The following RFESD variants were observed in gnomAD, a reference collection of about 807,000 sequenced individuals.
RFESD encodes Rieske Fe-S domain containing.
RFESD carries 16 observed loss-of-function variants against 24.4 expected under a neutral mutation model. The observed-to-expected ratio is 0.66, with a 90% confidence interval of 0.44 to 1.00. The LOEUF (loss-of-function observed/expected upper bound fraction) is 1.00. Ranked by LOEUF, RFESD falls within the 50% of genes least tolerant of loss-of-function variation. The pLI is 0.00. For missense variants in RFESD, 208 were observed against 247.0 expected (o/e 0.84, Z 1.06); for synonymous variants, 59 against 81.8 (o/e 0.72, Z 1.50).
intron 1 of RFESD, chr5:95,648,036 G>C (rs1206627049): frequency 9.2e-5 from 14 of 152,164 alleles, no homozygotes; most frequent in Admixed American, 9.2e-4. Context: ...TTCCACACTT[G>C]GTAAAAGCAT....
At chr5:95,653,345 C>G (rs528299985) in intron 3 of RFESD, 131 bp downstream of exon 3, 14 of 1,270,550 alleles carry the variant, frequency 1.1e-5, no homozygotes, top group African/African-American at 6.0e-5. Flanking sequence ...AGGCTGAAGA[C>G]TATTCAGACA....
chr5:95,656,152 C>G lies in RFESD; in HGVS notation c.476C>G (p.Ala159Gly). 6.2e-7 allele frequency: 1 copy of G among 1,613,966 alleles called. No homozygotes were observed. The highest frequency in any genetic ancestry group is 1.3e-5 in the African/African-American group (1 of 75,026). The change falls in exon 6 of 6, where the codon GCA becomes GGA. Residue 159 changes from alanine to glycine, a missense_variant. Coordinates refer to ENST00000380005, the MANE Select transcript of RFESD (RefSeq NM_001131066.2). Reference sequence around the variant, plus strand: ...TCTATAAACCCTAAAGATCCATCAGCAAAACCCAAGTGGTGCTCCAAAGGA... The same window carrying G: ...TCTATAAACCCTAAAGATCCATCAGGAAAACCCAAGTGGTGCTCCAAAGGA... ...YQSINPKDPS[A>G]KPKWCSKGIK... is the part of the protein sequence containing the mutation.
At chr5:95,655,546 A>G (rs892789101) in intron 5 of RFESD, 1 of 152,894 alleles carries the variant, frequency 6.5e-6, no homozygotes, top group Non-Finnish European at 1.5e-5. Flanking sequence ...GGTGCTTCCT[A>G]TGTTTTTTAA....
At chr5:95,649,042 G>A (rs988486180) in intron 1 of RFESD, among the ~76,000 whole-genome samples, 2 of 151,632 alleles carry the variant, frequency 1.3e-5, no homozygotes, top group African/African-American at 2.4e-5. Context: ...GATAGAAAGG[G>A]CAATTTTGTT....
At chr5:95,654,570 G>GT (rs1211769013) in intron 5 of RFESD, among the ~76,000 whole-genome samples, 1 of 152,132 alleles carries the variant, frequency 6.6e-6, no homozygotes, top group East Asian at 1.9e-4. Flanking sequence ...TTGCACGGAT[G>GT]TTTAAGTATT....
chr5:95,649,524 T>C (rs1025349585), intron 1 of RFESD, among the ~76,000 whole-genome samples: 2 of 152,254 alleles, frequency 1.3e-5, no homozygotes, highest in African/African-American at 4.8e-5. Flanking sequence ...ATTATTATTA[T>C]GTTTAACTTT....
intron 4 of RFESD, 22 bp downstream of exon 4, chr5:95,654,258 G>A (rs200997187): frequency 1.9e-6 from 3 of 1,609,764 alleles, no homozygotes; most frequent in African/African-American, 2.7e-5. Context: ...TTTTTCATTT[G>A]TAAAACTTTA....
Position 95,654,083 on chromosome 5 carries a change from C to T in RFESD, c.181C>T (p.Gln61Ter). ...TAGCATGAATCTTGATGGCTCTGCA[C>T]AAGATCCTGAAAAGAGGGAATATTC... ...YLSMNLDGSAQDPEKREYSSV... is the reference protein window; with the variant it reads ...YLSMNLDGSA Residue 61 changes from glutamine to a stop codon, truncating the protein, a stop_gained, in exon 4 of 6, where the codon CAA becomes TAA. Coordinates refer to ENST00000380005, the MANE Select transcript of RFESD (RefSeq NM_001131066.2). LOFTEE classifies it high-confidence loss of function. 6.2e-7 allele frequency: 1 copy of T among 1,611,058 alleles called. No individual in the cohort carries two copies. Among genetic ancestry groups the T allele is most frequent in the East Asian group, 2.2e-5 (1 of 44,826 alleles).
intron 2 of RFESD, chr5:95,652,740 G>A (rs1019936631): frequency 4.0e-6 from 1 of 250,830 alleles, no homozygotes; most frequent in Non-Finnish European, 7.6e-6. Flanking sequence ...CTGGCACATA[G>A]TTAACACAAT....
chr5:95,655,947 A>G, intron 5 of RFESD, 99 bp from the exon 6 acceptor site: 1 of 1,099,794 alleles, frequency 9.1e-7, no homozygotes. Flanking sequence ...AGAAAAGCTA[A>G]CCTGTTTTTT....
At chr5:95,652,829 CT>C (rs35160842) in intron 2 of RFESD, 2 of 373,984 alleles carry the variant, frequency 5.3e-6, no homozygotes, top group South Asian at 5.4e-5. Flanking sequence ...AAGCCACCAC[CT>C]TTTTCATGGA....
At chr5:95,652,439 T>A in intron 2 of RFESD, 108 bp downstream of exon 2, 2 of 1,400,660 alleles carry the variant, frequency 1.4e-6, no homozygotes, top group Non-Finnish European at 1.9e-6. Flanking sequence ...TCTACTTGGA[T>A]GTCTCTGAGA....
chr5:95,652,178 A>G lies in RFESD; in HGVS notation c.-94A>G. The G allele has an allele frequency of 6.9e-7, 1 of 1,444,104 alleles. No homozygotes were observed. Among genetic ancestry groups the G allele is most frequent in the Non-Finnish European group, 9.2e-7 (1 of 1,081,418 alleles). 89.5% of individuals were successfully genotyped at this position (1,444,104 alleles called of 1,614,324 possible). Reference sequence around the variant, plus strand: ...AATTCAAGGAGAATATAAGACAGAGAAGAAAGCTGTGAATGAATTTCATTT... The same window carrying G: ...AATTCAAGGAGAATATAAGACAGAGGAGAAAGCTGTGAATGAATTTCATTT... On this transcript the variant is annotated 5_prime_UTR_variant, in exon 2 of 6. Transcript: ENST00000380005.
chr5:95,649,029 G>C (rs1172251598), intron 1 of RFESD, among the ~76,000 whole-genome samples: 1 of 150,924 alleles, frequency 6.6e-6, no homozygotes, highest in Admixed American at 6.6e-5. Context: ...CACATTCTCT[G>C]AGGATAGAAA....
chr5:95,656,020 A>G (rs1750734349), intron 5 of RFESD, 26 bp from the exon 6 acceptor site: 2 of 1,604,072 alleles, frequency 1.2e-6, no homozygotes, highest in Non-Finnish European at 1.7e-6. Context: ...ATGTCAGAAT[A>G]TTAAATGAGT....
At chr5:95,649,021 C>T (rs1171652311) in intron 1 of RFESD, among the ~76,000 whole-genome samples, 2 of 150,556 alleles carry the variant, frequency 1.3e-5, no homozygotes, top group East Asian at 3.9e-4. Context: ...TGCACAGGCA[C>T]ATTCTCTGAG....
In RFESD at chr5:95,656,044, A is replaced by G; in HGVS notation, c.370-2A>G. 6.2e-7 allele frequency: 1 copy of G among 1,611,904 alleles called. No homozygotes were observed. On this transcript the variant is annotated splice_acceptor_variant, in intron 5 of 5. Transcript: ENST00000380005. LOFTEE classifies it high-confidence loss of function. Reference sequence around the variant, plus strand: ...TATTAAATGAGTTATTCTCTTCCCCAGGATTTTGATGGACGACCGTGTATA... The same window carrying G: ...TATTAAATGAGTTATTCTCTTCCCCGGGATTTTGATGGACGACCGTGTATA...
chr5:95,653,349 TCAGA>T (rs1750477942), intron 3 of RFESD, 135 bp downstream of exon 3: 2 of 1,248,130 alleles, frequency 1.6e-6, no homozygotes, highest in Non-Finnish European at 2.2e-6. Flanking sequence ...TGAAGACTAT[TCAGA>T]CAATCAAAGA....
At chr5:95,651,468 C>T (rs1272827709) in intron 1 of RFESD, among the ~76,000 whole-genome samples, 3 of 152,180 alleles carry the variant, frequency 2.0e-5, no homozygotes, top group Non-Finnish European at 4.4e-5. Context: ...GATCATAGCT[C>T]ACTGAAGCCT....
Sources: gnomAD v4.1 joint callset for allele counts (sites outside exome capture counted in the v4.1 genomes callset) on GRCh38, gnomAD v4.1.1 for gene constraint, MANE v1.5 for transcripts, NCBI Gene and HGNC (gene_info 2026-07-23, HGNC 2026-07-21) for gene names.